Variants in CADPS2 observed in about 807,000 individuals in gnomAD.
The protein encoded by CADPS2 is calcium-dependent secretion activator 2.
A neutral mutation model predicts 172.5 loss-of-function variants in CADPS2; 93 were observed. That is an observed-to-expected ratio of 0.54 (90% CI 0.46 to 0.64). The LOEUF (loss-of-function observed/expected upper bound fraction) is 0.64, where lower values mean the gene tolerates loss of function less well. Ranked by LOEUF, CADPS2 falls within the 30% of genes least tolerant of loss-of-function variation. The pLI, the probability that CADPS2 is intolerant of heterozygous loss-of-function variation, is 0.00. For synonymous variants in CADPS2, 546 were observed against 555.2 expected, an observed-to-expected ratio of 0.98 and a Z score of 0.23; for missense variants, 1,420 against 1,565.9, an observed-to-expected ratio of 0.91 and a Z score of 1.57.
intron 2 of CADPS2, among the ~76,000 whole-genome samples, chr7:122,732,978 C>T (rs976372561): frequency 2.0e-5 from 3 of 147,980 alleles, no homozygotes; most frequent in East Asian, 3.9e-4. Flanking sequence ...GGATTGTAAA[C>T]ATAATAAATG....
intron 1 of CADPS2, among the ~76,000 whole-genome samples, chr7:122,746,766 C>T (rs2092735195): frequency 6.6e-6 from 1 of 152,092 alleles, no homozygotes; most frequent in Non-Finnish European, 1.5e-5. Flanking sequence ...CTACATTCCC[C>T]TTACCCACTG....
intron 2 of CADPS2, among the ~76,000 whole-genome samples, chr7:122,712,673 C>T (rs1040227512): frequency 2.0e-5 from 3 of 152,006 alleles, no homozygotes; most frequent in East Asian, 3.9e-4. Context: ...GCTGTTATAA[C>T]AAATTACCAT....
chr7:122,411,532 C>A (rs1369855535), intron 19 of CADPS2, among the ~76,000 whole-genome samples: 1 of 151,924 alleles, frequency 6.6e-6, no homozygotes, highest in African/African-American at 2.4e-5. Flanking sequence ...ATTACTTTTG[C>A]CCTCAAAATA....
At chr7:122,475,485 T>C (rs534565741) in intron 12 of CADPS2, among the ~76,000 whole-genome samples, 3 of 152,312 alleles carry the variant, frequency 2.0e-5, no homozygotes, top group East Asian at 3.9e-4. Flanking sequence ...TAAGTGTAGT[T>C]TGTAAAACCT....
In CADPS2 at chr7:122,410,443, C is replaced by CTTTT. The variant is rs5887087; in HGVS notation, c.2590-2751_2590-2748dup. 1.1e-4 allele frequency among the ~76,000 whole-genome samples: 15 copies of CTTTT among 138,328 alleles called. No homozygotes were observed. In the East Asian group the frequency reaches 1.5e-3, roughly 13 times the overall value. The allele number at this position is 138,328 out of a possible 152,430, so 90.7% of individuals were successfully genotyped here. A position where few individuals can be genotyped will look rare whatever the true frequency, so the allele number is the denominator to read the frequency against. Reference sequence around the variant, plus strand: ...GGCAAGCTGACAATACTTGGAAAGCCTTTTTTTTTTTTTTTTGTAGTAAAT... The same window carrying CTTTT: ...GGCAAGCTGACAATACTTGGAAAGCCTTTTTTTTTTTTTTTTTTTTGTAGTAAAT... On this transcript the variant is annotated intron_variant, in intron 19 of 29. Transcript: ENST00000449022.
rs138669077 is a variant in CADPS2 at position 122,842,626 on chromosome 7, A to G, written c.339+43373T>C. On this transcript the variant is annotated intron_variant, in intron 1 of 29. Coordinates refer to ENST00000449022, the MANE Select transcript of CADPS2 (RefSeq NM_017954.11). ...ATGTAGAAAATGCTTACAGTATTGT[A>G]TAAGAAAAACAAATGTCATATTTTT... 9.2e-5 allele frequency among the ~76,000 whole-genome samples: 14 copies of G among 152,356 alleles called. No homozygotes were observed. In the East Asian group the frequency reaches 2.1e-3, roughly 23 times the overall value.
intron 1 of CADPS2, among the ~76,000 whole-genome samples, chr7:122,745,826 GATA>G (rs1251553022): frequency 6.6e-6 from 1 of 151,914 alleles, no homozygotes; most frequent in Non-Finnish European, 1.5e-5. Flanking sequence ...AAAAATTCCA[GATA>G]ATTTCAACAC....
intron 7 of CADPS2, among the ~76,000 whole-genome samples, chr7:122,569,444 T>C (rs1043971608): frequency 8.6e-5 from 13 of 151,866 alleles, no homozygotes; most frequent in Middle Eastern, 3.4e-3. Flanking sequence ...ACCGTGAAAA[T>C]GGCCATAATG....
At chr7:122,471,626 G>A in intron 13 of CADPS2, 64 bp from the exon 14 acceptor site, 9 of 1,399,664 alleles carry the variant, frequency 6.4e-6, no homozygotes, top group Non-Finnish European at 8.6e-6. Flanking sequence ...TTGCTTTCCT[G>A]AACGCACTTT....
At chr7:122,868,841 C>T (rs768363657) in intron 1 of CADPS2, among the ~76,000 whole-genome samples, 16 of 152,122 alleles carry the variant, frequency 1.1e-4, no homozygotes, top group African/African-American at 2.2e-4. Context: ...ATAATTTCAA[C>T]GAAGAGATAG....
intron 8 of CADPS2, among the ~76,000 whole-genome samples, chr7:122,521,891 T>A (rs1469162809): frequency 1.3e-5 from 2 of 152,108 alleles, no homozygotes; most frequent in Non-Finnish European, 2.9e-5. Flanking sequence ...AAATCCAAGT[T>A]AAGCCTCAGC....
intron 15 of CADPS2, among the ~76,000 whole-genome samples, chr7:122,450,519 GC>G (rs1391164951): frequency 1.5e-5 from 2 of 135,212 alleles, no homozygotes; most frequent in Non-Finnish European, 1.6e-5. Flanking sequence ...AGTATTGGTG[GC>G]CTTTTTTTTT....
intron 1 of CADPS2, among the ~76,000 whole-genome samples, chr7:122,745,298 T>C (rs77737616): frequency 0.015 from 2,222 of 152,120 alleles, 55 homozygotes; most frequent in African/African-American, 0.051. Context: ...GTCTGATTAA[T>C]CTTCTTAAAA....
intron 6 of CADPS2, among the ~76,000 whole-genome samples, chr7:122,590,655 C>T (rs757778131): frequency 3.8e-4 from 58 of 151,670 alleles, no homozygotes; most frequent in Non-Finnish European, 7.7e-4. Context: ...CAGCCCAATA[C>T]TTTAAACTTC....
intron 16 of CADPS2, chr7:122,440,175 T>C (rs563439601): frequency 1.3e-5 from 2 of 152,178 alleles, no homozygotes; most frequent in African/African-American, 2.4e-5. Context: ...ATGTGATCAG[T>C]GACTATAACT....
intron 7 of CADPS2, among the ~76,000 whole-genome samples, chr7:122,576,365 G>A (rs1446149419): frequency 6.6e-6 from 1 of 152,110 alleles, no homozygotes; most frequent in African/African-American, 2.4e-5. Context: ...TTCCCCCTTA[G>A]GTTACTGAGG....
intron 2 of CADPS2, chr7:122,702,827 C>G (rs2086384865): frequency 8.7e-7 from 1 of 1,146,070 alleles, no homozygotes; most frequent in South Asian, 1.6e-5. Flanking sequence ...AAGAAGATAG[C>G]TTGTTGGCGG....
chr7:122,869,923 C>T (rs1276657916), intron 1 of CADPS2, among the ~76,000 whole-genome samples: 1 of 151,948 alleles, frequency 6.6e-6, no homozygotes. Flanking sequence ...TTTATGGTAG[C>T]CTCATGGTAA....
chr7:122,785,881 C>T (rs1317256532), intron 1 of CADPS2, among the ~76,000 whole-genome samples: 2 of 152,210 alleles, frequency 1.3e-5, no homozygotes, highest in Non-Finnish European at 2.9e-5. Flanking sequence ...AAAGCCCACA[C>T]AGCACAAGGG....
Sources: allele counts gnomAD v4.1 joint callset (sites outside exome capture counted in the v4.1 genomes callset), GRCh38; gene constraint gnomAD v4.1.1; transcripts MANE v1.5; gene names NCBI Gene and HGNC (gene_info 2026-07-23, HGNC 2026-07-21).